Variants in TMEM181 observed in about 807,000 individuals in gnomAD.
The protein encoded by TMEM181 is G protein-coupled receptor 178.
TMEM181 carries 39 observed loss-of-function variants against 71.9 expected under a neutral mutation model. That is an observed-to-expected ratio of 0.54 (90% CI 0.42 to 0.71). The LOEUF (loss-of-function observed/expected upper bound fraction) is 0.71. Ranked by LOEUF, TMEM181 falls within the 30% of genes least tolerant of loss-of-function variation. The probability of loss-of-function intolerance (pLI) is 0.00; values close to 1 mark genes in which losing one functional copy is unlikely to be tolerated. For missense variants in TMEM181, 595 were observed against 583.0 expected (o/e 1.02, Z -0.21); for synonymous variants, 245 against 228.8 (o/e 1.07, Z -0.64).
At chr6:158,561,011 GAGA>G (rs1782139425) in intron 1 of TMEM181, among the ~76,000 whole-genome samples, 1 of 152,206 alleles carries the variant, frequency 6.6e-6, no homozygotes, top group Non-Finnish European at 1.5e-5. Context: ...GAAAGTCCGG[GAGA>G]AGGAGTGGCC....
At chr6:158,559,992 C>T (rs1419703506), upstream of TMEM181, 20 of 950,336 alleles carry the variant, frequency 2.1e-5, no homozygotes, top group Middle Eastern at 5.3e-4. Context: ...GAGGGCCACC[C>T]CCCTCGCCGC....
intron 6 of TMEM181, among the ~76,000 whole-genome samples, chr6:158,603,553 C>T (rs1413426580): frequency 6.6e-6 from 1 of 151,188 alleles, no homozygotes; most frequent in Non-Finnish European, 1.5e-5. Context: ...TGAAGTTGTC[C>T]AAAGCTTCCC....
intron 3 of TMEM181, among the ~76,000 whole-genome samples, chr6:158,581,948 C>G (rs1280038465): frequency 6.6e-6 from 1 of 151,982 alleles, no homozygotes; most frequent in African/African-American, 2.4e-5. Context: ...CTTCGAGGCA[C>G]CATGATATAT....
At chr6:158,604,614 C>T (rs1183279337) in intron 6 of TMEM181, among the ~76,000 whole-genome samples, 5 of 152,168 alleles carry the variant, frequency 3.3e-5, no homozygotes, top group Non-Finnish European at 4.4e-5. Flanking sequence ...AGCATGAGAA[C>T]GGACTCCTTC....
intron 8 of TMEM181, among the ~76,000 whole-genome samples, chr6:158,607,924 C>T (rs1264377105): frequency 6.6e-6 from 1 of 152,260 alleles, no homozygotes; most frequent in South Asian, 2.1e-4. Flanking sequence ...GGCTGTTCCT[C>T]TTTTCCTGCT....
At position 158,547,748 on chromosome 6, in the gene TMEM181, G is replaced by A. The variant is rs79914609; in HGVS notation, c.131+10883G>A. Among the ~76,000 whole-genome samples, 821 of 151,606 alleles carry A rather than the reference G, an allele frequency of 5.4e-3. 11 individuals carry two copies. The highest frequency in any genetic ancestry group is 0.019 in the African/African-American group (787 of 41,278). Reference sequence around the variant, plus strand: ...TTGGTCCTGCCCATATCCACCTCCCGTCTCCCACCCTGCCCCCGGGCCACT... The same window carrying A: ...TTGGTCCTGCCCATATCCACCTCCCATCTCCCACCCTGCCCCCGGGCCACT... On this transcript the variant is annotated intron_variant, in intron 1 of 16. Coordinates refer to the TMEM181 transcript ENST00000367090.
chr6:158,633,446 G>A lies in TMEM181; in HGVS notation c.*1558G>A, dbSNP rs1485215066. 6.6e-6 allele frequency: 1 copy of A among 152,188 alleles called. No homozygotes were observed. Among genetic ancestry groups the A allele is most frequent in the African/African-American group, 2.4e-5 (1 of 41,450 alleles). The allele number at this position is 152,188 out of a possible 1,614,324, so 9.4% of individuals were successfully genotyped here. ...ACACTTCTGTTAACATCTGGTAACT[G>A]TGGGCAACCTGACTGATGCCGTCTT... On this transcript the variant is annotated 3_prime_UTR_variant, in exon 17 of 17. Transcript: ENST00000684151.
intron 6 of TMEM181, among the ~76,000 whole-genome samples, chr6:158,602,650 G>A (rs535143664): frequency 2.0e-5 from 3 of 151,518 alleles, no homozygotes; most frequent in Admixed American, 6.6e-5. Context: ...TTGCTCTGTC[G>A]CCTAGGCTAG....
At chr6:158,560,434 G>A (rs1782093498) in intron 1 of TMEM181, among the ~76,000 whole-genome samples, 1 of 152,124 alleles carries the variant, frequency 6.6e-6, no homozygotes, top group Non-Finnish European at 1.5e-5. Context: ...CCGGGGCCGG[G>A]GCTCCCTCCT....
intron 1 of TMEM181, among the ~76,000 whole-genome samples, chr6:158,566,347 G>A (rs1782493281): frequency 6.6e-6 from 1 of 152,136 alleles, no homozygotes; most frequent in Admixed American, 6.5e-5. Context: ...AGATTACCAA[G>A]GGAGTGAGAG....
At position 158,605,735 on chromosome 6, in the gene TMEM181, T is replaced by G. The variant is rs553745479; in HGVS notation, c.573+388T>G. On this transcript the variant is annotated intron_variant, in intron 7 of 16. Coordinates refer to ENST00000684151, the MANE Select transcript of TMEM181 (RefSeq NM_001376852.1). Reference sequence around the variant, plus strand: ...TAGTTGTGCCAGTCCTTTGCGTTTTTGGGCATTTTCAGGAATAAGGCCAAA... The same window carrying G: ...TAGTTGTGCCAGTCCTTTGCGTTTTGGGGCATTTTCAGGAATAAGGCCAAA... 1.7e-4 allele frequency among the ~76,000 whole-genome samples: 26 copies of G among 152,302 alleles called. No individual in the cohort carries two copies. The East Asian group carries it at 1.9e-3, about 11-fold the overall frequency.
At chr6:158,605,168 A>ATGTATATATTGTCTCATCTAGAGATAAC in intron 6 of TMEM181, 99 bp from the exon 7 acceptor site, 1 of 822,976 alleles carries the variant, frequency 1.2e-6, no homozygotes, top group Non-Finnish European at 2.0e-6. Context: ...GTATGTGTAT[A>ATGTATATATTGTCTCATCTAGAGATAAC]TATTGTCTCA....
intron 1 of TMEM181, among the ~76,000 whole-genome samples, chr6:158,542,114 C>G (rs1390032764): frequency 6.6e-6 from 1 of 151,842 alleles, no homozygotes; most frequent in Non-Finnish European, 1.5e-5. Flanking sequence ...ATCATGATGC[C>G]CAGGCTGGTC....
chr6:158,630,270 A>G (rs1157932577), intron 15 of TMEM181, among the ~76,000 whole-genome samples: 1 of 152,162 alleles, frequency 6.6e-6, no homozygotes. Context: ...CCAAGGCGGG[A>G]GGATTGTTTG....
At chr6:158,573,241 G>A (rs959786623) in intron 1 of TMEM181, among the ~76,000 whole-genome samples, 179 bp from the exon 2 acceptor site, 4 of 152,162 alleles carry the variant, frequency 2.6e-5, no homozygotes, top group African/African-American at 9.7e-5. Context: ...TCCTGAATTG[G>A]CTGCTGAGGC....
intron 10 of TMEM181, among the ~76,000 whole-genome samples, chr6:158,616,059 A>G (rs1258078425): frequency 2.0e-5 from 3 of 152,294 alleles, no homozygotes; most frequent in African/African-American, 7.2e-5. Context: ...CATTGAATCT[A>G]TAAATTACCT....
intron 1 of TMEM181, among the ~76,000 whole-genome samples, chr6:158,542,065 G>A (rs1228942205): frequency 6.6e-6 from 1 of 151,742 alleles, no homozygotes; most frequent in Non-Finnish European, 1.5e-5. Context: ...GCCACTATGC[G>A]TGGCTAATTT....
intron 6 of TMEM181, among the ~76,000 whole-genome samples, chr6:158,600,453 G>C (rs902739966): frequency 7.9e-6 from 1 of 126,854 alleles, no homozygotes; most frequent in Non-Finnish European, 1.7e-5. Flanking sequence ...CCTGGCCTAG[G>C]GTTAATTTTT....
intron 10 of TMEM181, chr6:158,611,065 G>A (rs1785275744): frequency 2.2e-6 from 1 of 461,176 alleles, no homozygotes; most frequent in Non-Finnish European, 4.3e-6. Flanking sequence ...CCAGAAACTC[G>A]AGGGGTGGAG....
Sources: gnomAD v4.1 joint callset for allele counts (sites outside exome capture counted in the v4.1 genomes callset) on GRCh38, gnomAD v4.1.1 for gene constraint, MANE v1.5 for transcripts, NCBI Gene and HGNC (gene_info 2026-07-23, HGNC 2026-07-21) for gene names.